The following PTPRJ variants were observed in gnomAD, a reference collection of about 807,000 sequenced individuals.
PTPRJ encodes the protein protein tyrosine phosphatase receptor type J.
A neutral mutation model predicts 141.3 loss-of-function variants in PTPRJ; 129 were observed. That is an observed-to-expected ratio of 0.91 (90% confidence interval 0.79 to 1.06). The LOEUF (loss-of-function observed/expected upper bound fraction) is 1.06. Among genes scored for constraint, PTPRJ ranks in the 50% least tolerant of loss-of-function variants. The pLI, the probability that PTPRJ is intolerant of heterozygous loss-of-function variation, is 0.00. For missense variants in PTPRJ, 1,601 were observed against 1,679.7 expected (o/e 0.95, Z 0.82); for synonymous variants, 610 against 640.5 (o/e 0.95, Z 0.72).
chr11:48,057,016 G>C lies in PTPRJ; in HGVS notation c.97-53042G>C, dbSNP rs915941238. ...TAAGTAACTTGCCCAAGGTAACCCAGCTCATAAATATGAAAAGAGCAGGGA... is the reference window on the plus strand; with the variant it reads ...TAAGTAACTTGCCCAAGGTAACCCACCTCATAAATATGAAAAGAGCAGGGA... On this transcript the variant is annotated intron_variant, in intron 1 of 24. Transcript: ENST00000418331. Among the ~76,000 whole-genome samples, 49 of 152,250 alleles carry C rather than the reference G, an allele frequency of 3.2e-4. No individual in the cohort carries two copies. The Middle Eastern group carries it at 0.01, about 32-fold the overall frequency.
rs540956601 is a variant in PTPRJ at position 48,005,981 on chromosome 11, C to T, written c.96+24973C>T. On this transcript the variant is annotated intron_variant, in intron 1 of 24. Coordinates refer to ENST00000418331, the MANE Select transcript of PTPRJ (RefSeq NM_002843.4). The stretch of plus-strand genomic sequence containing the variant: ...AGCCACCTGCCCCTGCTGGGCCAGG[C>T]GATTGCAGTGGTCTTGGCTGGGAGG... 3.9e-5 allele frequency among the ~76,000 whole-genome samples: 6 copies of T among 152,292 alleles called. No homozygotes were observed. The East Asian group carries it at 5.8e-4, about 15-fold the overall frequency.
intron 24 of PTPRJ, among the ~76,000 whole-genome samples, chr11:48,165,542 G>A (rs1022459315): frequency 9.9e-5 from 15 of 152,114 alleles, no homozygotes; most frequent in Admixed American, 7.2e-4. Context: ...TCAGGCTATC[G>A]TCCTGTACCG....
intron 1 of PTPRJ, among the ~76,000 whole-genome samples, chr11:48,065,655 A>G (rs1390685652): frequency 1.3e-5 from 2 of 152,220 alleles, no homozygotes; most frequent in Non-Finnish European, 2.9e-5. Flanking sequence ...TAATGTTTAT[A>G]GATGATACCG....
chr11:48,159,543 GTC>G (rs1306544319), intron 21 of PTPRJ, among the ~76,000 whole-genome samples: 1 of 152,198 alleles, frequency 6.6e-6, no homozygotes, highest in East Asian at 1.9e-4. Flanking sequence ...GAGAAAATAA[GTC>G]TGGATTTTTA....
intron 8 of PTPRJ, 106 bp from the exon 9 acceptor site, chr11:48,135,933 A>G: frequency 7.5e-7 from 1 of 1,331,282 alleles, no homozygotes; most frequent in Non-Finnish European, 1.0e-6. Context: ...TGAACTCATT[A>G]GAAAGCGTAA....
At chr11:48,094,959 G>A (rs1855967385) in intron 1 of PTPRJ, among the ~76,000 whole-genome samples, 1 of 152,176 alleles carries the variant, frequency 6.6e-6, no homozygotes, top group South Asian at 2.1e-4. Context: ...GGTGAGGGCT[G>A]GCCAAGGGAG....
At chr11:48,128,185 C>T in intron 7 of PTPRJ, 142 bp downstream of exon 7, 1 of 1,097,494 alleles carries the variant, frequency 9.1e-7, no homozygotes. Flanking sequence ...CTTGCACTGG[C>T]ACATTGTATG....
intron 1 of PTPRJ, among the ~76,000 whole-genome samples, chr11:47,987,308 G>T (rs1854076786): frequency 6.6e-6 from 1 of 152,164 alleles, no homozygotes; most frequent in African/African-American, 2.4e-5. Flanking sequence ...GTGAAAAGTG[G>T]TATCATGATA....
At chr11:48,034,544 A>G (rs1305190731) in intron 1 of PTPRJ, among the ~76,000 whole-genome samples, 2 of 152,236 alleles carry the variant, frequency 1.3e-5, no homozygotes, top group African/African-American at 4.8e-5. Flanking sequence ...ATAATAAATC[A>G]TTAGAATAGT....
At chr11:48,162,129 C>T (rs1857798840) in intron 22 of PTPRJ, among the ~76,000 whole-genome samples, 1 of 152,068 alleles carries the variant, frequency 6.6e-6, no homozygotes, top group South Asian at 2.1e-4. Flanking sequence ...TGTTTTGTTC[C>T]TGGCTCTGAT....
intron 8 of PTPRJ, chr11:48,131,492 T>A: frequency 1.3e-6 from 1 of 775,150 alleles, no homozygotes; most frequent in African/African-American, 1.7e-5. Context: ...TCTTTCCTCT[T>A]AATAAAATAT....
At chr11:48,147,015 A>G in intron 15 of PTPRJ, 52 bp downstream of exon 15, 2 of 1,476,732 alleles carry the variant, frequency 1.4e-6, no homozygotes, top group Admixed American at 1.7e-5. Context: ...GAAGCTTTCT[A>G]TTAAGGAACA....
intron 6 of PTPRJ, 82 bp from the exon 7 acceptor site, chr11:48,127,698 C>T: frequency 6.9e-7 from 1 of 1,456,814 alleles, no homozygotes. Context: ...GTTTGCTGGG[C>T]TTGACAGCAT....
intron 1 of PTPRJ, among the ~76,000 whole-genome samples, chr11:48,032,346 C>T (rs952894993): frequency 5.9e-5 from 9 of 152,192 alleles, no homozygotes; most frequent in Admixed American, 2.0e-4. Flanking sequence ...GACAGCTGAG[C>T]GGCTACAGAG....
intron 7 of PTPRJ, among the ~76,000 whole-genome samples, chr11:48,129,833 C>T (rs1461501778): frequency 6.6e-6 from 1 of 152,128 alleles, no homozygotes; most frequent in Non-Finnish European, 1.5e-5. Context: ...ATTGCATCCA[C>T]ACTACAGGTA....
intron 21 of PTPRJ, among the ~76,000 whole-genome samples, chr11:48,159,302 T>C (rs1263860902): frequency 6.6e-6 from 1 of 152,186 alleles, no homozygotes; most frequent in Non-Finnish European, 1.5e-5. Flanking sequence ...GTGTGTGTAT[T>C]TGTATTGCAA....
intron 7 of PTPRJ, 129 bp downstream of exon 7, chr11:48,128,172 T>C (rs1856890735): frequency 1.7e-6 from 2 of 1,181,720 alleles, no homozygotes; most frequent in African/African-American, 1.5e-5. Context: ...GTGACATGCT[T>C]TCCTTGCACT....
intron 1 of PTPRJ, among the ~76,000 whole-genome samples, chr11:48,019,313 G>T (rs1348311561): frequency 6.6e-6 from 1 of 152,072 alleles, no homozygotes; most frequent in African/African-American, 2.4e-5. Flanking sequence ...TGGCCCCACT[G>T]CGACAGCCTC....
At chr11:48,038,515 GGA>G (rs1854185300) in intron 1 of PTPRJ, among the ~76,000 whole-genome samples, 1 of 149,696 alleles carries the variant, frequency 6.7e-6, no homozygotes, top group Non-Finnish European at 1.5e-5. Flanking sequence ...TTTTTGAGAT[GGA>G]GTCTCGCTCT....
Sources: allele counts gnomAD v4.1 joint callset (sites outside exome capture counted in the v4.1 genomes callset), GRCh38; gene constraint gnomAD v4.1.1; transcripts MANE v1.5; gene names NCBI Gene and HGNC (gene_info 2026-07-23, HGNC 2026-07-21).